The following PPP2R3A variants were observed in gnomAD, a reference collection of about 807,000 sequenced individuals.
The protein encoded by PPP2R3A is serine/threonine-protein phosphatase 2A regulatory subunit B'' subunit alpha.
PPP2R3A carries 80 observed loss-of-function variants against 106.9 expected under a neutral mutation model. The observed-to-expected ratio is 0.75, with a 90% CI of 0.62 to 0.90. The LOEUF is 0.90. Among genes scored for constraint, PPP2R3A ranks in the 40% least tolerant of loss-of-function variants. PPP2R3A has a pLI of 0.00. For missense variants in PPP2R3A, 1,386 were observed against 1,350.4 expected (o/e 1.03, Z -0.41); for synonymous variants, 483 against 468.3 (o/e 1.03, Z -0.41).
intron 7 of PPP2R3A, among the ~76,000 whole-genome samples, chr3:136,080,114 T>A (rs1576486774): frequency 6.6e-6 from 1 of 152,152 alleles, no homozygotes; most frequent in Non-Finnish European, 1.5e-5. Flanking sequence ...ATTTTGAGGG[T>A]TTTCAAAAAA....
chr3:136,111,359 GAATAAA>G (rs1937588997), intron 13 of PPP2R3A, among the ~76,000 whole-genome samples: 1 of 151,782 alleles, frequency 6.6e-6, no homozygotes, highest in Non-Finnish European at 1.5e-5. Flanking sequence ...TTCACTAGAA[GAATAAA>G]AATAAAATGG....
chr3:136,069,613 G>A (rs1576478368), intron 5 of PPP2R3A, among the ~76,000 whole-genome samples: 1 of 152,184 alleles, frequency 6.6e-6, no homozygotes, highest in East Asian at 1.9e-4. Flanking sequence ...ATAATAATAA[G>A]CCTAAAAAAA....
intron 1 of PPP2R3A, among the ~76,000 whole-genome samples, chr3:135,983,802 A>T (rs971482056): frequency 1.9e-4 from 29 of 152,216 alleles, no homozygotes; most frequent in African/African-American, 6.8e-4. Context: ...CTAGTCAGTT[A>T]CATTATTGAA....
intron 9 of PPP2R3A, among the ~76,000 whole-genome samples, chr3:136,089,510 T>G (rs535819663): frequency 6.6e-6 from 1 of 152,100 alleles, no homozygotes; most frequent in South Asian, 2.1e-4. Context: ...TGAAGTCAGG[T>G]ACTATGATAC....
At chr3:136,084,445 A>G (rs531991316) in intron 8 of PPP2R3A, among the ~76,000 whole-genome samples, 28 of 152,304 alleles carry the variant, frequency 1.8e-4, no homozygotes, top group African/African-American at 6.5e-4. Context: ...CCAGGCAGAA[A>G]TTTGCTGCAG....
chr3:135,972,697 C>A (rs571663085), intron 1 of PPP2R3A, among the ~76,000 whole-genome samples: 22 of 152,224 alleles, frequency 1.4e-4, no homozygotes, highest in African/African-American at 5.3e-4. Context: ...TTTGTATTTC[C>A]CTAATGACTA....
At chr3:135,968,625 T>C (rs1361218761) in intron 1 of PPP2R3A, among the ~76,000 whole-genome samples, 1 of 151,242 alleles carries the variant, frequency 6.6e-6, no homozygotes, top group African/African-American at 2.4e-5. Flanking sequence ...CCACCAGAAC[T>C]TAAGACCGAC....
At position 136,070,508 on chromosome 3, in the gene PPP2R3A, T is replaced by A. The variant is rs1487923320; in HGVS notation, c.2500T>A (p.Phe834Ile). 1.2e-6 allele frequency: 2 copies of A among 1,610,132 alleles called. No homozygotes were observed. Among genetic ancestry groups the A allele is most frequent in the African/African-American group, 2.7e-5 (2 of 74,668 alleles). Reference protein sequence around the residue: ...DVVDTHPGLTFLKDAPEFHSR... With the variant: ...DVVDTHPGLTILKDAPEFHSR... ...GGTGGATACCCACCCTGGTCTCACGTTCCTGAAAGATGCTCCAGAATTCCA... is the reference window on the plus strand; with the variant it reads ...GGTGGATACCCACCCTGGTCTCACGATCCTGAAAGATGCTCCAGAATTCCA... The change falls in exon 6 of 14, where the codon TTC becomes ATC. Residue 834 changes from phenylalanine to isoleucine, a missense_variant. Phe to Ile is a conservative substitution (Grantham distance 21, BLOSUM62 0). Transcript: ENST00000264977.
intron 2 of PPP2R3A, chr3:136,023,328 G>C: frequency 1.3e-6 from 1 of 773,928 alleles, no homozygotes. Flanking sequence ...CTTGATATTA[G>C]ATCAAGGAAT....
At chr3:136,138,741 C>A (rs1312416026) in intron 13 of PPP2R3A, among the ~76,000 whole-genome samples, 2 of 61,874 alleles carry the variant, frequency 3.2e-5, no homozygotes, top group East Asian at 6.5e-4. Flanking sequence ...GAGACAGTTT[C>A]GCTCTTGTCA....
chr3:136,048,365 T>C (rs78300754), intron 4 of PPP2R3A, among the ~76,000 whole-genome samples: 3,490 of 152,238 alleles, frequency 0.023, 150 homozygotes, highest in African/African-American at 0.078. Flanking sequence ...GGCCCTTCTA[T>C]GTCAGGTCAA....
intron 2 of PPP2R3A, among the ~76,000 whole-genome samples, chr3:136,013,249 CATTG>C (rs1170829265): frequency 6.6e-6 from 1 of 151,460 alleles, no homozygotes; most frequent in African/African-American, 2.4e-5. Flanking sequence ...TTTATCCACT[CATTG>C]ATTGATGAGC....
intron 3 of PPP2R3A, among the ~76,000 whole-genome samples, chr3:136,030,780 A>ATG (rs56881425): frequency 1.1e-5 from 1 of 91,030 alleles, no homozygotes; most frequent in East Asian, 2.9e-4. Flanking sequence ...ATATATATAT[A>ATG]TGTATGTATG....
chr3:135,987,427 T>C (rs552251834), intron 1 of PPP2R3A, among the ~76,000 whole-genome samples: 35 of 152,238 alleles, frequency 2.3e-4, no homozygotes, highest in African/African-American at 7.9e-4. Flanking sequence ...CCCAAATCTT[T>C]TATAATGGGC....
chr3:136,123,622 G>A (rs1223967024), intron 13 of PPP2R3A, among the ~76,000 whole-genome samples: 1 of 152,134 alleles, frequency 6.6e-6, no homozygotes, highest in Non-Finnish European at 1.5e-5. Context: ...ATATTGTCCA[G>A]TTCAAAAGAC....
At chr3:135,988,890 A>G (rs1040385057) in intron 1 of PPP2R3A, among the ~76,000 whole-genome samples, 5 of 152,158 alleles carry the variant, frequency 3.3e-5, no homozygotes, top group African/African-American at 1.2e-4. Flanking sequence ...TTGACATTGA[A>G]TCATTTTGGG....
intron 10 of PPP2R3A, among the ~76,000 whole-genome samples, chr3:136,099,894 A>T (rs1305019893): frequency 6.7e-6 from 1 of 149,742 alleles, no homozygotes; most frequent in African/African-American, 2.5e-5. Flanking sequence ...TTACTGGGCT[A>T]TGTAGATCTC....
At chr3:135,999,818 G>A (rs1426489471) in intron 1 of PPP2R3A, among the ~76,000 whole-genome samples, 2 of 151,964 alleles carry the variant, frequency 1.3e-5, no homozygotes, top group Non-Finnish European at 2.9e-5. Context: ...CTGTCACCCA[G>A]GCTGGAGTGC....
chr3:136,021,784 A>C (rs1482856596), intron 2 of PPP2R3A, among the ~76,000 whole-genome samples: 1 of 152,154 alleles, frequency 6.6e-6, no homozygotes, highest in Non-Finnish European at 1.5e-5. Context: ...GTATGGTTGC[A>C]TATGTATTGA....
Sources: gnomAD v4.1 joint callset for allele counts (sites outside exome capture counted in the v4.1 genomes callset) on GRCh38, gnomAD v4.1.1 for gene constraint, MANE v1.5 for transcripts, NCBI Gene and HGNC (gene_info 2026-07-23, HGNC 2026-07-21) for gene names.